The following ABLIM1 variants were observed in gnomAD, a reference collection of about 807,000 sequenced individuals.
ABLIM1 encodes the protein actin-binding LIM protein 1.
In ABLIM1, 40 loss-of-function variants were observed where a neutral mutation model predicts 107.0. The ratio of observed to expected loss-of-function variants is 0.37; its 90% confidence interval spans 0.29 to 0.49. ABLIM1 has a LOEUF of 0.49. ABLIM1 is among the 20% of genes least tolerant of loss of function. The pLI, the probability that ABLIM1 is intolerant of heterozygous loss-of-function variation, is 0.97. For synonymous variants in ABLIM1, 357 were observed against 357.3 expected (o/e 1.00, Z 0.01); for missense variants, 857 against 1,008.5 (o/e 0.85, Z 2.04).
chr10:114,687,962 G>T (rs1382481196), upstream of ABLIM1, among the ~76,000 whole-genome samples: 1 of 152,010 alleles, frequency 6.6e-6, no homozygotes, highest in Non-Finnish European at 1.5e-5. Flanking sequence ...CCAAATCATT[G>T]GTCCCATCCC....
chr10:114,537,455 T>C (rs1378954105), intron 6 of ABLIM1, among the ~76,000 whole-genome samples: 2 of 152,208 alleles, frequency 1.3e-5, no homozygotes, highest in Non-Finnish European at 2.9e-5. Context: ...CTACTGAACA[T>C]TGAACTTCTT....
At chr10:114,786,740 G>A in the ABLIM1 span, among the ~76,000 whole-genome samples, 5 of 152,194 alleles carry the variant, frequency 3.3e-5, no homozygotes, top group East Asian at 1.9e-4. Flanking sequence ...CGAGTGATCC[G>A]CCAGCCTCCG....
chr10:114,760,739 G>A (rs1187744481), intron 1 of ABLIM1, among the ~76,000 whole-genome samples: 1 of 152,092 alleles, frequency 6.6e-6, no homozygotes, highest in East Asian at 1.9e-4. Flanking sequence ...TACAATGTGG[G>A]AACAATTCAA....
intron 1 of ABLIM1, among the ~76,000 whole-genome samples, chr10:114,626,422 C>T (rs1033062450): frequency 6.6e-6 from 1 of 152,154 alleles, no homozygotes; most frequent in African/African-American, 2.4e-5. Flanking sequence ...CAAGTTTGTA[C>T]AAATCGGCCA....
At chr10:114,767,997 C>G (rs963989734) in intron 1 of ABLIM1, 3 of 416,486 alleles carry the variant, frequency 7.2e-6, no homozygotes, top group Non-Finnish European at 1.4e-5. Flanking sequence ...GCAGCCCCCC[C>G]GCCCTCCCGC....
chr10:114,455,812 C>CTT (rs11285756), intron 12 of ABLIM1, among the ~76,000 whole-genome samples: 2,827 of 139,544 alleles, frequency 0.02, 59 homozygotes, highest in Middle Eastern at 0.053. Context: ...GAAACTGCAA[C>CTT]TTTTTTTTTT....
chr10:114,449,035 C>G (rs2061469919), intron 14 of ABLIM1, among the ~76,000 whole-genome samples: 1 of 152,218 alleles, frequency 6.6e-6, no homozygotes, highest in Non-Finnish European at 1.5e-5. Context: ...TTTGCCGTTT[C>G]CACTCATTGT....
At chr10:114,747,865 C>A (rs1198387819) in intron 1 of ABLIM1, among the ~76,000 whole-genome samples, 1 of 152,054 alleles carries the variant, frequency 6.6e-6, no homozygotes, top group Non-Finnish European at 1.5e-5. Flanking sequence ...TATGGTGAAA[C>A]CCTGTCTCTA....
intron 6 of ABLIM1, among the ~76,000 whole-genome samples, chr10:114,525,945 CAA>C (rs1411341986): frequency 4.6e-5 from 7 of 151,926 alleles, no homozygotes; most frequent in Non-Finnish European, 7.4e-5. Context: ...ACTTTCCCCC[CAA>C]AAAAAGTCTT....
intron 1 of ABLIM1, among the ~76,000 whole-genome samples, chr10:114,633,259 C>T (rs1222656212): frequency 6.6e-6 from 1 of 152,200 alleles, no homozygotes; most frequent in African/African-American, 2.4e-5. Context: ...CCTGCCTCCT[C>T]TTTGACTCAG....
chr10:114,499,790 A>G (rs1354562899), intron 6 of ABLIM1, among the ~76,000 whole-genome samples: 1 of 152,154 alleles, frequency 6.6e-6, no homozygotes, highest in Non-Finnish European at 1.5e-5. Context: ...CGGAAGGGAG[A>G]GGCAGAATCA....
At chr10:114,657,084 C>G (rs1469980180) in intron 1 of ABLIM1, among the ~76,000 whole-genome samples, 1 of 152,220 alleles carries the variant, frequency 6.6e-6, no homozygotes, top group Admixed American at 6.5e-5. Flanking sequence ...CTCAATAAAG[C>G]TGTTGAAAGC....
At chr10:114,730,397 CAAAAA>C (rs59713925) in intron 1 of ABLIM1, among the ~76,000 whole-genome samples, 3 of 73,138 alleles carry the variant, frequency 4.1e-5, no homozygotes, top group Admixed American at 1.5e-4. Flanking sequence ...AACTCCATCT[CAAAAA>C]AAAAAAAAAA....
intron 1 of ABLIM1, among the ~76,000 whole-genome samples, chr10:114,656,610 A>G (rs2079535817): frequency 6.6e-6 from 1 of 152,194 alleles, no homozygotes; most frequent in Non-Finnish European, 1.5e-5. Flanking sequence ...AAAGAAAAAA[A>G]AACCTTGTAT....
chr10:114,562,732 C>T (rs978888065), intron 4 of ABLIM1, among the ~76,000 whole-genome samples: 1 of 152,200 alleles, frequency 6.6e-6, no homozygotes, highest in Non-Finnish European at 1.5e-5. Flanking sequence ...CCTCACCATT[C>T]AGACCTGGGA....
At chr10:114,444,674 T>A (rs1029076476) in intron 16 of ABLIM1, among the ~76,000 whole-genome samples, 1 of 152,194 alleles carries the variant, frequency 6.6e-6, no homozygotes, top group Non-Finnish European at 1.5e-5. Flanking sequence ...GATCATACTA[T>A]AAATGCAACT....
At chr10:114,698,139 T>A (rs2081234055) in intron 1 of ABLIM1, among the ~76,000 whole-genome samples, 1 of 151,734 alleles carries the variant, frequency 6.6e-6, no homozygotes. Context: ...CACAAACACA[T>A]GATTCTAGAG....
chr10:114,633,319 C>T (rs532315058), intron 1 of ABLIM1, among the ~76,000 whole-genome samples: 2 of 152,170 alleles, frequency 1.3e-5, no homozygotes, highest in Admixed American at 6.5e-5. Context: ...TGGGGAGAAG[C>T]GGGAAAAATG....
chr10:114,710,415 A>C (rs940044132), intron 1 of ABLIM1, among the ~76,000 whole-genome samples: 2 of 152,216 alleles, frequency 1.3e-5, no homozygotes, highest in Non-Finnish European at 2.9e-5. Flanking sequence ...ACAGAATGAG[A>C]GACAAGCAAA....
Sources: gnomAD v4.1 joint callset for allele counts (sites outside exome capture counted in the v4.1 genomes callset) on GRCh38, gnomAD v4.1.1 for gene constraint, MANE v1.5 for transcripts, NCBI Gene and HGNC (gene_info 2026-07-23, HGNC 2026-07-21) for gene names.